Variants in ZNF326 observed in about 807,000 individuals in gnomAD.
The protein encoded by ZNF326 is zinc finger protein 326, also known as DBIRD complex subunit ZNF326.
A neutral mutation model predicts 63.1 loss-of-function variants in ZNF326; 30 were observed. That is an observed-to-expected ratio of 0.48 (90% CI 0.36 to 0.64). ZNF326 has a LOEUF of 0.64. Ranked by LOEUF, ZNF326 falls within the 30% of genes least tolerant of loss-of-function variation. ZNF326 has a pLI of 0.00. For missense variants in ZNF326, 609 were observed against 720.3 expected (o/e 0.85, Z 1.77); for synonymous variants, 194 against 228.2 (o/e 0.85, Z 1.35).
chr1:90,026,154 G>T (rs1462157815), intron 11 of ZNF326, among the ~76,000 whole-genome samples: 1 of 151,892 alleles, frequency 6.6e-6, no homozygotes, highest in Non-Finnish European at 1.5e-5. Context: ...TAGTGGAGTC[G>T]GGGTTTCACC....
At chr1:90,026,885 T>A (rs1429581188) in intron 11 of ZNF326, among the ~76,000 whole-genome samples, 2 of 152,234 alleles carry the variant, frequency 1.3e-5, no homozygotes, top group Non-Finnish European at 2.9e-5. Context: ...GAGGTTTGTC[T>A]ACTTTTTAAA....
intron 9 of ZNF326, among the ~76,000 whole-genome samples, chr1:90,019,229 A>G (rs1649644417): frequency 6.6e-6 from 1 of 152,184 alleles, no homozygotes; most frequent in Non-Finnish European, 1.5e-5. Context: ...GGAATAAAAG[A>G]AAAGGAAAGA....
In ZNF326 at chr1:90,027,612, G is replaced by A. The variant is rs773045220; in HGVS notation, c.1660G>A (p.Gly554Arg). 2 of 1,613,278 alleles carry A rather than the reference G, an allele frequency of 1.2e-6. No individual in the cohort carries two copies. The highest frequency in any genetic ancestry group is 2.2e-5 in the South Asian group (2 of 90,994). The change falls in exon 12 of 12, where the codon GGG (glycine) becomes AGG (arginine). Residue 554 changes from glycine (G) to arginine (R), a missense_variant. By Grantham distance (125) the Gly-to-Arg change is moderately radical. This residue lies in a region of ZNF326 where 399 missense variants were observed against 444.3 expected (regional missense o/e 0.90). Transcript: ENST00000340281. The part of the protein sequence containing the change: ...VGVVGEVEGV[G>R]EVEEVEELEE... ...GGTAGTGGGAGAAGTAGAGGGAGTG[G>A]GGGAAGTAGAGGAAGTAGAGGAATT...
chr1:90,021,488 T>A (rs1649772078), intron 10 of ZNF326, among the ~76,000 whole-genome samples: 1 of 152,142 alleles, frequency 6.6e-6, no homozygotes, highest in Non-Finnish European at 1.5e-5. Context: ...TATTCTTACA[T>A]TTTTTAGTAG....
At chr1:89,996,709 A>G (rs1648394585) in intron 1 of ZNF326, among the ~76,000 whole-genome samples, 1 of 152,056 alleles carries the variant, frequency 6.6e-6, no homozygotes, top group East Asian at 1.9e-4. Flanking sequence ...ATTGCACTCT[A>G]GCCTGGGCAA....
At chr1:89,998,288 A>G (rs376753579) in intron 2 of ZNF326, 134 bp downstream of exon 2, 1 of 732,202 alleles carries the variant, frequency 1.4e-6, no homozygotes. Context: ...GTCTTACTAT[A>G]TATAGTATTT....
chr1:90,000,791 C>G (rs149935995), intron 2 of ZNF326, among the ~76,000 whole-genome samples: 1,592 of 152,212 alleles, frequency 0.01, 13 homozygotes, highest in South Asian at 0.016. Flanking sequence ...CATTGAAAAT[C>G]AAAGATAATT....
chr1:90,007,664 A>G lies in ZNF326; in HGVS notation c.529A>G (p.Thr177Ala). ...ACCTGTAGGCTCTCGGGGGAGAGGAACGCCTGCTTATCCTGAAAGTACGTT... is the reference window on the plus strand; with the variant it reads ...ACCTGTAGGCTCTCGGGGGAGAGGAGCGCCTGCTTATCCTGAAAGTACGTT... Reference protein sequence around the residue: ...PAPVGSRGRGTPAYPESTFGS... With the variant: ...PAPVGSRGRGAPAYPESTFGS... The change falls in exon 5 of 12, where the codon ACG becomes GCG. Residue 177 changes from threonine to alanine, a missense_variant. Thr to Ala is a moderately conservative substitution (Grantham distance 58, BLOSUM62 0). Transcript: ENST00000340281. This position sits in a 1 kb window ranked among gnomAD's most constrained non-coding sequence, Gnocchi z 4.9. The G allele has an allele frequency of 1.3e-6, 2 of 1,528,752 alleles. No individual in the cohort carries two copies. The highest frequency in any genetic ancestry group is 1.8e-6 in the Non-Finnish European group (2 of 1,139,792). 94.7% of individuals were successfully genotyped at this position (1,528,752 alleles called of 1,614,324 possible). A position where few individuals can be genotyped will look rare whatever the true frequency, so the allele number is the denominator to read the frequency against.
Position 90,005,252 on chromosome 1 carries a change from G to A in ZNF326, c.209+8G>A. ...TGGTGGTGGGGGTAGCAGGTAAATTGCTTAATCATTTGGCCAAATAATTAG... is the reference window on the plus strand; with the variant it reads ...TGGTGGTGGGGGTAGCAGGTAAATTACTTAATCATTTGGCCAAATAATTAG... On this transcript the variant is annotated splice_region_variant and intron_variant, in intron 4 of 11. Coordinates refer to ENST00000340281, the MANE Select transcript of ZNF326 (RefSeq NM_182976.4). 1 of 1,606,038 alleles carries A rather than the reference G, an allele frequency of 6.2e-7. No individual in the cohort carries two copies. The highest frequency in any genetic ancestry group is 1.1e-5 in the South Asian group (1 of 89,246).
intron 11 of ZNF326, among the ~76,000 whole-genome samples, chr1:90,026,027 G>A (rs1289264678): frequency 1.3e-5 from 2 of 150,742 alleles, no homozygotes; most frequent in Non-Finnish European, 3.0e-5. Context: ...GCAGTGGCGC[G>A]ATCTTGGCTC....
At chr1:90,005,397 T>A in intron 4 of ZNF326, 153 bp downstream of exon 4, 1 of 1,378,610 alleles carries the variant, frequency 7.3e-7, no homozygotes, top group Non-Finnish European at 9.4e-7. Context: ...AATTAATGGG[T>A]ATAAAATTTA....
chr1:90,025,572 T>C (rs922144213), intron 11 of ZNF326, among the ~76,000 whole-genome samples: 1 of 152,192 alleles, frequency 6.6e-6, no homozygotes, highest in Non-Finnish European at 1.5e-5. Flanking sequence ...ACAGACTAAA[T>C]GAAAATCTCA....
chr1:90,000,005 G>A (rs993039237), intron 2 of ZNF326, among the ~76,000 whole-genome samples: 1 of 152,146 alleles, frequency 6.6e-6, no homozygotes, highest in Non-Finnish European at 1.5e-5. Context: ...TTTATTGTAT[G>A]TTAGATGATG....
chr1:89,997,724 C>G (rs1648460702), intron 1 of ZNF326, among the ~76,000 whole-genome samples: 1 of 152,124 alleles, frequency 6.6e-6, no homozygotes, highest in Non-Finnish European at 1.5e-5. Flanking sequence ...ATTAACTTAG[C>G]AAAAATTTCA....
intron 1 of ZNF326, among the ~76,000 whole-genome samples, chr1:89,996,765 A>G (rs552121129): frequency 1.7e-4 from 26 of 152,158 alleles, no homozygotes; most frequent in Non-Finnish European, 3.7e-4. Context: ...AAAACCAACA[A>G]CAAAACAAAA....
chr1:90,007,561 G>A lies in ZNF326; in HGVS notation c.426G>A (p.Arg142=). The change falls in exon 5 of 12, where the codon AGG becomes AGA. Residue 142 remains arginine (R), a synonymous_variant. Coordinates refer to ENST00000340281, the MANE Select transcript of ZNF326 (RefSeq NM_182976.4). The surrounding 1 kb of genome is among the most constrained non-coding windows in gnomAD (Gnocchi z 4.9). Reference sequence around the variant, plus strand: ...CACCTTACTCCCGTTCAAAATTGAGGCCTGGGTTTATGGAGGACAGAGGAA... The same window carrying A: ...CACCTTACTCCCGTTCAAAATTGAGACCTGGGTTTATGGAGGACAGAGGAA... ...WEAPYSRSKL[R]PGFMEDRGRE... 2 of 1,613,756 alleles carry A rather than the reference G, an allele frequency of 1.2e-6. No homozygotes were observed. The highest frequency in any genetic ancestry group is 1.7e-6 in the Non-Finnish European group (2 of 1,179,878).
chr1:90,025,968 C>CTT (rs755399695), intron 11 of ZNF326, among the ~76,000 whole-genome samples: 9 of 136,300 alleles, frequency 6.6e-5, no homozygotes, highest in Admixed American at 2.2e-4. Context: ...TGTTCCTTCA[C>CTT]TTTTTTTTTT....
chr1:90,018,300 A>T lies in ZNF326; in HGVS notation c.1075-385A>T, dbSNP rs2464455. Among the ~76,000 whole-genome samples, 1,294 of 151,982 alleles carry T rather than the reference A, an allele frequency of 8.5e-3. 13 individuals carry two copies. The highest frequency in any genetic ancestry group is 0.03 in the African/African-American group (1,233 of 41,422). On this transcript the variant is annotated intron_variant, in intron 8 of 11. Coordinates refer to ENST00000340281, the MANE Select transcript of ZNF326 (RefSeq NM_182976.4). ...GAGCGAGACTCCATCTCAAAAAAAA[A>T]AAAAAAAAGTGACCTTTCAGACCAC...
chr1:90,022,440 A>G lies in ZNF326; in HGVS notation c.1401+95A>G, dbSNP rs775409019. 6.6e-5 allele frequency: 57 copies of G among 870,010 alleles called. 1 individual carries two copies. The highest frequency in any genetic ancestry group is 2.5e-4 in the Middle Eastern group (1 of 4,018). 53.9% of individuals were successfully genotyped at this position (870,010 alleles called of 1,614,324 possible). A position where few individuals can be genotyped will look rare whatever the true frequency, so the allele number is the denominator to read the frequency against. On this transcript the variant is annotated intron_variant, in intron 11 of 11. Transcript: ENST00000340281. ...ACCTTTTGTGATACTTGAATATAGT[A>G]TAACATATTAAGAAGAATTTTACTC... is the stretch of plus-strand genomic sequence containing the variant.
Sources: gnomAD v4.1 joint callset for allele counts (sites outside exome capture counted in the v4.1 genomes callset) on GRCh38, gnomAD v4.1.1 for gene constraint, gnomAD v4.1.1 regional missense constraint, Gnocchi (gnomAD v3.1) non-coding constraint, MANE v1.5 for transcripts, NCBI Gene and HGNC (gene_info 2026-07-23, HGNC 2026-07-21) for gene names.